FUT9: variants seen among roughly 807,000 people sequenced by gnomAD.
The protein encoded by FUT9 is fucosyltransferase 9.
A neutral mutation model predicts 29.7 loss-of-function variants in FUT9; 15 were observed. The ratio of observed to expected loss-of-function variants is 0.51; its 90% CI spans 0.34 to 0.78. FUT9 has a LOEUF of 0.78. Among genes scored for constraint, FUT9 ranks in the 30% least tolerant of loss-of-function variants. The pLI is 0.01. For synonymous variants in FUT9, 169 were observed against 153.7 expected, an observed-to-expected ratio of 1.10 and a Z score of -0.74; for missense variants, 319 against 425.4, an observed-to-expected ratio of 0.75 and a Z score of 2.20.
At chr6:96,053,664 G>T (rs2493353) in intron 1 of FUT9, among the ~76,000 whole-genome samples, 1 of 152,016 alleles carries the variant, frequency 6.6e-6, no homozygotes, top group Non-Finnish European at 1.5e-5. Context: ...AGCCGAGATC[G>T]CACCACTCCA....
chr6:96,087,915 C>G (rs1407119896), intron 1 of FUT9, among the ~76,000 whole-genome samples: 3 of 152,096 alleles, frequency 2.0e-5, no homozygotes, highest in Admixed American at 1.3e-4. Context: ...GTAATAGAGG[C>G]CTGCTAATGT....
At chr6:96,164,662 A>G (rs921515387) in intron 2 of FUT9, among the ~76,000 whole-genome samples, 5 of 152,188 alleles carry the variant, frequency 3.3e-5, no homozygotes, top group African/African-American at 9.7e-5. Flanking sequence ...TTGGTCAGCT[A>G]TGCCCAAATT....
At chr6:96,144,213 T>C (rs895907744) in intron 2 of FUT9, among the ~76,000 whole-genome samples, 2 of 80,062 alleles carry the variant, frequency 2.5e-5, no homozygotes, top group Non-Finnish European at 5.7e-5. Context: ...AAATCCTTTT[T>C]CTTCCTTAGT....
At chr6:96,188,710 G>GAT (rs57955007) in intron 2 of FUT9, among the ~76,000 whole-genome samples, 93,073 of 146,218 alleles carry the variant, frequency 0.64, 32,046 homozygotes, top group South Asian at 0.87. Context: ...TATATTATTT[G>GAT]ATATATATAT....
chr6:96,026,922 T>A (rs1169042532), intron 1 of FUT9, among the ~76,000 whole-genome samples: 1 of 151,670 alleles, frequency 6.6e-6, no homozygotes, highest in Non-Finnish European at 1.5e-5. Context: ...AACTGAAGCA[T>A]GGTGAGTATC....
At chr6:96,141,541 G>A (rs1772463769) in intron 2 of FUT9, among the ~76,000 whole-genome samples, 1 of 152,112 alleles carries the variant, frequency 6.6e-6, no homozygotes, top group South Asian at 2.1e-4. Context: ...GAGAAGCTGG[G>A]GTTTAGGTCA....
chr6:96,088,290 C>A (rs1771352787), intron 1 of FUT9, among the ~76,000 whole-genome samples: 2 of 151,896 alleles, frequency 1.3e-5, no homozygotes, highest in Non-Finnish European at 2.9e-5. Flanking sequence ...GTTCTTATTT[C>A]ATTTTTAAAG....
At chr6:96,085,366 A>G (rs6920907) in intron 1 of FUT9, among the ~76,000 whole-genome samples, 139,042 of 152,248 alleles carry the variant, frequency 0.91, 64,539 homozygotes, top group East Asian at 1. Context: ...GCAGCTTCTA[A>G]CTGCGTCCTT....
At chr6:96,099,015 C>T (rs1296076797) in intron 1 of FUT9, among the ~76,000 whole-genome samples, 2 of 152,086 alleles carry the variant, frequency 1.3e-5, no homozygotes, top group African/African-American at 2.4e-5. Context: ...ACTGTGAAGT[C>T]CTTGAAGAAT....
chr6:96,080,920 C>T (rs1371732238), intron 1 of FUT9, among the ~76,000 whole-genome samples: 2 of 151,946 alleles, frequency 1.3e-5, no homozygotes, highest in African/African-American at 2.4e-5. Context: ...TTAGCAACAA[C>T]ATGTACCCTG....
chr6:96,038,196 G>A (rs916596940), intron 1 of FUT9, among the ~76,000 whole-genome samples: 4 of 152,098 alleles, frequency 2.6e-5, no homozygotes, highest in African/African-American at 9.7e-5. Flanking sequence ...TCCAATTATG[G>A]AATCAAATCA....
At chr6:96,059,086 G>A (rs1292936651) in intron 1 of FUT9, among the ~76,000 whole-genome samples, 1 of 152,070 alleles carries the variant, frequency 6.6e-6, no homozygotes, top group East Asian at 1.9e-4. Context: ...AAATAAAAAG[G>A]CATAGAAATC....
chr6:96,078,440 AGAC>A (rs1771179226), intron 1 of FUT9, among the ~76,000 whole-genome samples: 2 of 5,066 alleles, frequency 3.9e-4, no homozygotes, highest in Non-Finnish European at 7.4e-4. Context: ...TTTTTTTTTG[AGAC>A]GGAGCCTCGC....
At chr6:96,027,854 C>A (rs1392341569) in intron 1 of FUT9, among the ~76,000 whole-genome samples, 1 of 151,412 alleles carries the variant, frequency 6.6e-6, no homozygotes, top group East Asian at 1.9e-4. Flanking sequence ...ATTCTAAATT[C>A]TTGGATTTTC....
rs1240670405 is a variant in FUT9 at position 96,040,600 on chromosome 6, A to C, written c.-98+24388A>C. The stretch of plus-strand genomic sequence containing the variant: ...CTGTAGTATCCTGGCAATCAAGTAG[A>C]GGGTTGGAGTGACTAAACCCAGATA... On this transcript the variant is annotated intron_variant, in intron 1 of 2. Transcript: ENST00000302103. Among the ~76,000 whole-genome samples, 4 of 152,136 alleles carry C rather than the reference A, an allele frequency of 2.6e-5. No homozygotes were observed. The East Asian group carries it at 5.8e-4, about 22-fold the overall frequency.
chr6:96,119,274 T>C lies in FUT9; in HGVS notation c.-9+5147T>C, dbSNP rs149015235. On this transcript the variant is annotated intron_variant, in intron 2 of 2. Coordinates refer to ENST00000302103, the MANE Select transcript of FUT9 (RefSeq NM_006581.4). Reference sequence around the variant, plus strand: ...ACGATTTTTTATCTTGTATACAGTATTTTTACTGTACCTTTTCTATGTTTA... The same window carrying C: ...ACGATTTTTTATCTTGTATACAGTACTTTTACTGTACCTTTTCTATGTTTA... Among the ~76,000 whole-genome samples, 458 of 152,302 alleles carry C rather than the reference T, an allele frequency of 3.0e-3. 1 individual carries two copies. Among genetic ancestry groups the C allele is most frequent in the African/African-American group, 0.01 (430 of 41,558 alleles).
intron 1 of FUT9, among the ~76,000 whole-genome samples, chr6:96,101,058 C>T (rs1771577972): frequency 6.6e-6 from 1 of 152,206 alleles, no homozygotes; most frequent in South Asian, 2.1e-4. Context: ...CTTCATATCT[C>T]GTTATGTAAC....
intron 1 of FUT9, among the ~76,000 whole-genome samples, chr6:96,092,094 T>C (rs28660974): frequency 0.028 from 4,283 of 152,160 alleles, 73 homozygotes; most frequent in East Asian, 0.079. Flanking sequence ...GTATCCCAAA[T>C]GGACAATAAT....
At chr6:96,154,001 T>C (rs1423439576) in intron 2 of FUT9, among the ~76,000 whole-genome samples, 1 of 152,226 alleles carries the variant, frequency 6.6e-6, no homozygotes, top group Non-Finnish European at 1.5e-5. Context: ...TGTATGTTTC[T>C]GCCACATTAA....
Sources: gnomAD v4.1 joint callset for allele counts (sites outside exome capture counted in the v4.1 genomes callset) on GRCh38, gnomAD v4.1.1 for gene constraint, MANE v1.5 for transcripts, NCBI Gene and HGNC (gene_info 2026-07-23, HGNC 2026-07-21) for gene names.